Variants in SOCS5 observed in about 807,000 individuals in gnomAD.
SOCS5 encodes suppressor of cytokine signaling 5, also known as CIS-6.
SOCS5 carries 32 observed loss-of-function variants against 42.8 expected under a neutral mutation model. That is an observed-to-expected ratio of 0.75 (90% CI 0.56 to 1.01). SOCS5 has a LOEUF of 1.01. SOCS5 is among the 50% of genes least tolerant of loss of function. The pLI, the probability that SOCS5 is intolerant of heterozygous loss-of-function variation, is 0.00. For synonymous variants in SOCS5, 283 were observed against 229.6 expected (o/e 1.23, Z -2.10); for missense variants, 627 against 653.0 (o/e 0.96, Z 0.43).
intron 1 of SOCS5, among the ~76,000 whole-genome samples, chr2:46,723,173 T>A (rs1672919228): frequency 6.6e-6 from 1 of 152,102 alleles, no homozygotes; most frequent in South Asian, 2.1e-4. Context: ...GTCCAGTTCA[T>A]AATTTTTTTT....
intron 1 of SOCS5, among the ~76,000 whole-genome samples, chr2:46,719,168 T>C (rs1672824159): frequency 1.3e-5 from 2 of 152,240 alleles, no homozygotes; most frequent in South Asian, 4.2e-4. Context: ...ATTAAGAGCT[T>C]TTGGATTTTG....
intron 1 of SOCS5, among the ~76,000 whole-genome samples, chr2:46,735,513 C>T (rs1673223197): frequency 6.6e-6 from 1 of 152,068 alleles, no homozygotes; most frequent in African/African-American, 2.4e-5. Context: ...GAGGTAGTTG[C>T]TTTGCACTTT....
intron 1 of SOCS5, among the ~76,000 whole-genome samples, chr2:46,745,907 C>T (rs573795234): frequency 6.6e-6 from 1 of 152,322 alleles, no homozygotes; most frequent in South Asian, 2.1e-4. Flanking sequence ...AACATTTGAT[C>T]ACCTTCATTC....
intron 1 of SOCS5, among the ~76,000 whole-genome samples, chr2:46,752,715 AT>A (rs2103757808): frequency 6.6e-6 from 1 of 152,282 alleles, no homozygotes; most frequent in African/African-American, 2.4e-5. Context: ...ACTAATTATC[AT>A]TTACTTACAT....
At chr2:46,730,124 A>T (rs916544763) in intron 1 of SOCS5, among the ~76,000 whole-genome samples, 7 of 152,152 alleles carry the variant, frequency 4.6e-5, no homozygotes, top group African/African-American at 1.7e-4. Context: ...CATTGACCCA[A>T]ACATCATTAT....
At chr2:46,744,485 G>A (rs1014123230) in intron 1 of SOCS5, among the ~76,000 whole-genome samples, 1 of 151,932 alleles carries the variant, frequency 6.6e-6, no homozygotes. Flanking sequence ...ATCAGTGTGG[G>A]TGGTGAGATA....
At chr2:46,749,841 G>A (rs1392292232) in intron 1 of SOCS5, among the ~76,000 whole-genome samples, 1 of 152,094 alleles carries the variant, frequency 6.6e-6, no homozygotes, top group Non-Finnish European at 1.5e-5. Flanking sequence ...CTTTCACTCT[G>A]GCAGATACTG....
intron 1 of SOCS5, among the ~76,000 whole-genome samples, chr2:46,732,269 A>C (rs772822773): frequency 6.6e-6 from 1 of 152,240 alleles, no homozygotes; most frequent in African/African-American, 2.4e-5. Flanking sequence ...TTCCGAGAGC[A>C]CACCACTGGA....
At chr2:46,734,607 G>A (rs1673202260) in intron 1 of SOCS5, among the ~76,000 whole-genome samples, 1 of 151,976 alleles carries the variant, frequency 6.6e-6, no homozygotes, top group Non-Finnish European at 1.5e-5. Context: ...TTTTCTTCAT[G>A]TCATATTTCT....
intron 1 of SOCS5, among the ~76,000 whole-genome samples, chr2:46,746,100 G>A (rs527989223): frequency 6.6e-6 from 1 of 151,938 alleles, no homozygotes; most frequent in Admixed American, 6.6e-5. Flanking sequence ...TATTATGAAG[G>A]ATGCTCCAGA....
chr2:46,702,756 C>G (rs1374907808), intron 1 of SOCS5, among the ~76,000 whole-genome samples: 3 of 152,178 alleles, frequency 2.0e-5, no homozygotes, highest in Non-Finnish European at 4.4e-5. Flanking sequence ...TAACCCAGGT[C>G]CAACTAGTGT....
intron 1 of SOCS5, among the ~76,000 whole-genome samples, chr2:46,738,772 G>A (rs566947505): frequency 6.6e-6 from 1 of 152,098 alleles, no homozygotes; most frequent in Non-Finnish European, 1.5e-5. Context: ...TTTCCCATTA[G>A]CATCATTTCA....
intron 1 of SOCS5, among the ~76,000 whole-genome samples, chr2:46,713,282 G>T (rs1019905327): frequency 6.6e-6 from 1 of 152,194 alleles, no homozygotes. Flanking sequence ...TTTGAGCCTG[G>T]GAGGTTGAGG....
At position 46,761,265 on chromosome 2, in the gene SOCS5, A is replaced by C. The variant is rs1321993047; in HGVS notation, c.*1124A>C. On this transcript the variant is annotated 3_prime_UTR_variant, in exon 2 of 2. Coordinates refer to ENST00000394861, the MANE Select transcript of SOCS5 (RefSeq NM_144949.3). ...GTCACTTAGAATAATATGTACTACTACTTGAGTGAGCGCTTTTGGAAGTTA... is the reference window on the plus strand; with the variant it reads ...GTCACTTAGAATAATATGTACTACTCCTTGAGTGAGCGCTTTTGGAAGTTA... 1.2e-5 allele frequency: 2 copies of C among 167,078 alleles called. No individual in the cohort carries two copies. The highest frequency in any genetic ancestry group is 4.8e-5 in the African/African-American group (2 of 41,448). 10.3% of individuals were successfully genotyped at this position (167,078 alleles called of 1,614,324 possible). A position where few individuals can be genotyped will look rare whatever the true frequency, so the allele number is the denominator to read the frequency against.
intron 1 of SOCS5, among the ~76,000 whole-genome samples, chr2:46,718,060 G>A (rs757862343): frequency 6.6e-6 from 1 of 151,128 alleles, no homozygotes; most frequent in East Asian, 2.0e-4. Context: ...CAAACTTCAA[G>A]CTCTATTTCC....
intron 1 of SOCS5, among the ~76,000 whole-genome samples, chr2:46,711,378 G>A (rs1247739699): frequency 2.0e-5 from 3 of 152,054 alleles, no homozygotes; most frequent in Non-Finnish European, 2.9e-5. Context: ...TGTGAGTATC[G>A]ATGTCATGCA....
chr2:46,746,765 A>G (rs915283726), intron 1 of SOCS5, among the ~76,000 whole-genome samples: 2 of 151,792 alleles, frequency 1.3e-5, no homozygotes, highest in Non-Finnish European at 2.9e-5. Context: ...TATGTAATTG[A>G]TCTTTGTGTG....
At chr2:46,714,471 A>G (rs562156744) in intron 1 of SOCS5, among the ~76,000 whole-genome samples, 8 of 152,346 alleles carry the variant, frequency 5.3e-5, no homozygotes, top group Non-Finnish European at 1.0e-4. Context: ...TAGTATTTAC[A>G]TGATATATCT....
At chr2:46,752,206 C>T (rs186418388) in intron 1 of SOCS5, among the ~76,000 whole-genome samples, 14 of 150,906 alleles carry the variant, frequency 9.3e-5, no homozygotes, top group Admixed American at 7.9e-4. Flanking sequence ...CACCTGAGCT[C>T]TACCTCCTGT....
Sources: gnomAD v4.1 joint callset for allele counts (sites outside exome capture counted in the v4.1 genomes callset) on GRCh38, gnomAD v4.1.1 for gene constraint, MANE v1.5 for transcripts, NCBI Gene and HGNC (gene_info 2026-07-23, HGNC 2026-07-21) for gene names.